The following KLRG2 variants were observed in gnomAD, a reference collection of about 807,000 sequenced individuals.
KLRG2 encodes the protein killer cell lectin like receptor G2, also known as killer cell lectin-like receptor subfamily G member 2.
KLRG2 carries 39 observed loss-of-function variants against 35.4 expected under a neutral mutation model. That is an observed-to-expected ratio of 1.10 (90% CI 0.85 to 1.44). The LOEUF (loss-of-function observed/expected upper bound fraction) is 1.44. Among genes scored for constraint, KLRG2 ranks in the 40% most tolerant of loss-of-function variants. The pLI is 0.00. For synonymous variants in KLRG2, 283 were observed against 265.8 expected (o/e 1.06, Z -0.63); for missense variants, 632 against 570.9 (o/e 1.11, Z -1.09).
At position 139,483,258 on chromosome 7, in the gene KLRG2, GCA is replaced by G; in HGVS notation, c.383_384del (p.Val128AlafsTer245). The G allele has an allele frequency of 6.4e-7, 1 of 1,556,050 alleles. No homozygotes were observed. The highest frequency in any genetic ancestry group is 8.6e-7 in the Non-Finnish European group (1 of 1,162,610). On this transcript the variant is annotated frameshift_variant, in exon 1 of 5. Transcript: ENST00000340940. LOFTEE classifies it high-confidence loss of function. ...AWAPMELQVD[V>X]RVKPVGAAGG... Reference sequence around the variant, plus strand: ...CCGGCCGCGCCCACGGGCTTCACGCGCACATCTACCTGCAGCTCCATGGGCGC... The same window carrying G: ...CCGGCCGCGCCCACGGGCTTCACGCGCATCTACCTGCAGCTCCATGGGCGC...
At chr7:139,475,845 G>A (rs112776008) in intron 3 of KLRG2, among the ~76,000 whole-genome samples, 232 of 152,140 alleles carry the variant, frequency 1.5e-3, no homozygotes, top group Non-Finnish European at 2.8e-3. Context: ...GCAGCCTTAG[G>A]GACTGAACCC....
intron 3 of KLRG2, among the ~76,000 whole-genome samples, chr7:139,464,797 T>A (rs1455597098): frequency 1.3e-5 from 2 of 152,252 alleles, no homozygotes; most frequent in African/African-American, 4.8e-5. Flanking sequence ...GCTTTAATAT[T>A]TTCAGAGGCC....
intron 3 of KLRG2, among the ~76,000 whole-genome samples, chr7:139,466,918 A>G (rs1796667124): frequency 6.7e-6 from 1 of 149,864 alleles, no homozygotes; most frequent in South Asian, 2.1e-4. Flanking sequence ...CCCCTTAGGC[A>G]CTCTCTAATT....
chr7:139,432,002 G>C, the KLRG2 span, among the ~76,000 whole-genome samples: 2 of 151,642 alleles, frequency 1.3e-5, no homozygotes, highest in Non-Finnish European at 2.9e-5. Context: ...ACATGAATAT[G>C]GTGTTTTTTA....
chr7:139,454,651 A>AT (rs1796428532), intron 3 of KLRG2, among the ~76,000 whole-genome samples: 1 of 138,878 alleles, frequency 7.2e-6, no homozygotes. Flanking sequence ...CCCCGTTTCT[A>AT]TTAAAAAAAA....
chr7:139,445,793 G>GTATATATATATATATATGTA, the KLRG2 span, among the ~76,000 whole-genome samples: 1 of 95,600 alleles, frequency 1.0e-5, no homozygotes, highest in African/African-American at 8.3e-5. Context: ...ATATATATAT[G>GTATATATATATATATATGTA]TGTGTATATA....
chr7:139,480,243 T>C lies in KLRG2; in HGVS notation c.762A>G (p.Leu254=). ...AGTACAGGGACTTCACGTACATGGG[T>C]AGCCCTGGGACGGGGGCAAACAGGA... ...KLPRAVTLTG[L]PMYVKSLYWA... Residue 254 remains leucine, a synonymous_variant, in exon 2 of 5, where the codon CTA becomes CTG. Coordinates refer to ENST00000340940, the MANE Select transcript of KLRG2 (RefSeq NM_198508.4). The C allele has an allele frequency of 1.9e-6, 3 of 1,592,104 alleles. No homozygotes were observed. Among genetic ancestry groups the C allele is most frequent in the Non-Finnish European group, 2.6e-6 (3 of 1,160,408 alleles).
At chr7:139,439,522 C>T in the KLRG2 span, among the ~76,000 whole-genome samples, 12 of 152,296 alleles carry the variant, frequency 7.9e-5, no homozygotes, top group South Asian at 2.1e-4. Flanking sequence ...TGATCTGCTT[C>T]GGCTGTTATC....
At chr7:139,446,336 GTTTT>G in the KLRG2 span, among the ~76,000 whole-genome samples, 23 of 92,040 alleles carry the variant, frequency 2.5e-4, no homozygotes, top group African/African-American at 6.9e-4. Flanking sequence ...ATTTTCCAGG[GTTTT>G]TTTTTTTTTT....
chr7:139,454,040 G>A lies in KLRG2; in HGVS notation c.1109+71C>T. On this transcript the variant is annotated intron_variant, in intron 4 of 4. Transcript: ENST00000340940. Reference sequence around the variant, plus strand: ...GCATTCCAGGCTAGGGGAGCAGCAAGGAGGTGGAGTCTGGGGAGAAATGGA... The same window carrying A: ...GCATTCCAGGCTAGGGGAGCAGCAAAGAGGTGGAGTCTGGGGAGAAATGGA... 3 of 970,776 alleles carry A rather than the reference G, an allele frequency of 3.1e-6. No individual in the cohort carries two copies. In the South Asian group the frequency reaches 4.2e-5, roughly 14 times the overall value. The allele number at this position is 970,776 out of a possible 1,614,324, so 60.1% of individuals were successfully genotyped here. A position where few individuals can be genotyped will look rare whatever the true frequency, so the allele number is the denominator to read the frequency against.
At chr7:139,449,855 A>G (rs1218258950), downstream of KLRG2, among the ~76,000 whole-genome samples, 1 of 150,244 alleles carries the variant, frequency 6.7e-6, no homozygotes, top group Non-Finnish European at 1.5e-5. Flanking sequence ...GCCCACCACC[A>G]CGCTTGGCTA....
chr7:139,427,258 A>G, the KLRG2 span, among the ~76,000 whole-genome samples: 1 of 152,150 alleles, frequency 6.6e-6, no homozygotes, highest in Admixed American at 6.6e-5. Context: ...TGGGGGCTCT[A>G]GGGTCAGCAG....
intron 3 of KLRG2, among the ~76,000 whole-genome samples, chr7:139,471,054 G>A (rs532824173): frequency 1.3e-5 from 2 of 151,514 alleles, no homozygotes; most frequent in Non-Finnish European, 1.5e-5. Context: ...CACCATATTG[G>A]CCATGATGGT....
chr7:139,446,635 C>T, the KLRG2 span, among the ~76,000 whole-genome samples: 5 of 152,116 alleles, frequency 3.3e-5, no homozygotes, highest in Non-Finnish European at 5.9e-5. Context: ...GCCACCGCGC[C>T]CAGCCTCTTT....
chr7:139,459,206 C>G lies in KLRG2; in HGVS notation c.1006-4992G>C, dbSNP rs148762598. 2.7e-3 allele frequency among the ~76,000 whole-genome samples: 413 copies of G among 152,302 alleles called. 3 individuals are homozygous for G. Among genetic ancestry groups the G allele is most frequent in the African/African-American group, 9.7e-3 (403 of 41,566 alleles). ...TTTGGATAGTTAAACCCACCTCCCC[C>G]CATTGGCAACAAGGAGTTCTAAGCT... On this transcript the variant is annotated intron_variant, in intron 3 of 4. Transcript: ENST00000340940.
rs973419704 is a variant in KLRG2 at position 139,455,851 on chromosome 7, C to T, written c.1006-1637G>A. ...AAAATGAACTTATCTAAAGATAACA[C>T]GGTGCTATTTGTGAAGAAAAACTGG... On this transcript the variant is annotated intron_variant, in intron 3 of 4. Coordinates refer to ENST00000340940, the MANE Select transcript of KLRG2 (RefSeq NM_198508.4). Among the ~76,000 whole-genome samples the T allele has an allele frequency of 5.0e-4, 76 of 152,092 alleles. 6 individuals are homozygous for T. The highest frequency in any genetic ancestry group is 1.5e-5 in the Non-Finnish European group (1 of 68,028).
downstream of KLRG2, among the ~76,000 whole-genome samples, chr7:139,448,057 C>A (rs1796329900): frequency 6.6e-6 from 1 of 152,102 alleles, no homozygotes; most frequent in Non-Finnish European, 1.5e-5. Context: ...TGCAGGCGTA[C>A]AATCATGGCT....
intron 3 of KLRG2, among the ~76,000 whole-genome samples, chr7:139,478,731 T>C (rs2116479856): frequency 6.6e-6 from 1 of 152,212 alleles, no homozygotes; most frequent in South Asian, 2.1e-4. Context: ...ATTGGTCCCT[T>C]TTTGTAGATG....
the KLRG2 span, among the ~76,000 whole-genome samples, chr7:139,437,286 A>G: frequency 3.9e-5 from 6 of 151,960 alleles, no homozygotes; most frequent in African/African-American, 1.2e-4. Context: ...TTAGCCAGGC[A>G]TGATGGCGGG....
Sources: gnomAD v4.1 joint callset for allele counts (sites outside exome capture counted in the v4.1 genomes callset) on GRCh38, gnomAD v4.1.1 for gene constraint, MANE v1.5 for transcripts, NCBI Gene and HGNC (gene_info 2026-07-23, HGNC 2026-07-21) for gene names.